Variants in ASB3 observed in about 807,000 individuals in gnomAD.
The protein encoded by ASB3 is ankyrin repeat and SOCS box protein 3.
A neutral mutation model predicts 54.5 loss-of-function variants in ASB3; 41 were observed. The ratio of observed to expected loss-of-function variants is 0.75; its 90% confidence interval spans 0.59 to 0.98. The LOEUF is 0.98. ASB3 is among the 50% of genes least tolerant of loss of function. ASB3 has a pLI of 0.00. For synonymous variants in ASB3, 266 were observed against 221.2 expected (o/e 1.20, Z -1.80); for missense variants, 733 against 620.0 (o/e 1.18, Z -1.94).
At chr2:53,709,305 C>T (rs1342550116) in intron 7 of ASB3, among the ~76,000 whole-genome samples, 5 of 152,226 alleles carry the variant, frequency 3.3e-5, no homozygotes, top group Non-Finnish European at 7.3e-5. Flanking sequence ...ACAATGGTGG[C>T]TTCCACATGG....
chr2:53,759,460 G>A (rs1358192634), intron 2 of ASB3, among the ~76,000 whole-genome samples: 3 of 152,138 alleles, frequency 2.0e-5, no homozygotes, highest in African/African-American at 7.2e-5. Flanking sequence ...GCAGACATTA[G>A]AACAAAACTT....
At chr2:53,784,612 A>T (rs1674831347) in intron 1 of ASB3, among the ~76,000 whole-genome samples, 2 of 152,138 alleles carry the variant, frequency 1.3e-5, no homozygotes, top group African/African-American at 4.8e-5. Context: ...GGCAATCTTT[A>T]GCATTCCTTG....
At chr2:53,670,719 C>T in intron 9 of ASB3, 29 bp from the exon 10 acceptor site, 1 of 1,584,846 alleles carries the variant, frequency 6.3e-7, no homozygotes, top group Non-Finnish European at 8.6e-7. Context: ...CAAGGTGAAA[C>T]TTTTTTAAAC....
At chr2:53,730,855 G>A (rs1671268162) in intron 3 of ASB3, among the ~76,000 whole-genome samples, 1 of 152,024 alleles carries the variant, frequency 6.6e-6, no homozygotes, top group South Asian at 2.1e-4. Flanking sequence ...CACTATAGTA[G>A]GAGGCAGGAA....
intron 1 of ASB3, among the ~76,000 whole-genome samples, chr2:53,780,094 T>C (rs888763216): frequency 6.6e-6 from 1 of 152,202 alleles, no homozygotes; most frequent in African/African-American, 2.4e-5. Flanking sequence ...CTCTTTCCAA[T>C]ACACGCTCTA....
chr2:53,742,277 T>C (rs920163087), intron 3 of ASB3, among the ~76,000 whole-genome samples: 1 of 152,224 alleles, frequency 6.6e-6, no homozygotes, highest in South Asian at 2.1e-4. Context: ...TAATATGGAA[T>C]GTGCCTCTAC....
intron 9 of ASB3, among the ~76,000 whole-genome samples, chr2:53,690,248 A>T (rs1668838140): frequency 6.6e-6 from 1 of 151,862 alleles, no homozygotes; most frequent in African/African-American, 2.4e-5. Context: ...CAAATAAATA[A>T]ATAAATTAAT....
At chr2:53,714,688 A>C in intron 6 of ASB3, 107 bp from the exon 7 acceptor site, 1 of 1,149,416 alleles carries the variant, frequency 8.7e-7, no homozygotes, top group Non-Finnish European at 1.2e-6. Context: ...GATTCATTTA[A>C]AGAAATATTT....
intron 9 of ASB3, among the ~76,000 whole-genome samples, chr2:53,687,761 T>C (rs983498375): frequency 2.0e-5 from 3 of 152,238 alleles, no homozygotes; most frequent in South Asian, 2.1e-4. Context: ...TATTGCACCA[T>C]AGATCACTCA....
At chr2:53,698,883 T>C (rs759595570) in intron 8 of ASB3, among the ~76,000 whole-genome samples, 1 of 152,198 alleles carries the variant, frequency 6.6e-6, no homozygotes, top group Non-Finnish European at 1.5e-5. Flanking sequence ...TCTTCCAAAC[T>C]TTACCAGCCT....
At chr2:53,677,733 T>A (rs950598028) in intron 9 of ASB3, among the ~76,000 whole-genome samples, 1 of 152,152 alleles carries the variant, frequency 6.6e-6, no homozygotes, top group Non-Finnish European at 1.5e-5. Flanking sequence ...TAAAAAATAA[T>A]GCACTGGGCA....
At chr2:53,710,063 A>C (rs1327046555) in intron 7 of ASB3, among the ~76,000 whole-genome samples, 1 of 152,196 alleles carries the variant, frequency 6.6e-6, no homozygotes, top group Non-Finnish European at 1.5e-5. Flanking sequence ...AAGCTTGCTA[A>C]TGACTGTAGC....
At chr2:53,747,436 C>T (rs1672286781) in intron 3 of ASB3, among the ~76,000 whole-genome samples, 3 of 152,098 alleles carry the variant, frequency 2.0e-5, no homozygotes, top group Admixed American at 1.3e-4. Flanking sequence ...ATCCCAGCTA[C>T]TCGGGAGGCT....
At chr2:53,780,221 T>C (rs1330650953) in intron 1 of ASB3, among the ~76,000 whole-genome samples, 1 of 152,166 alleles carries the variant, frequency 6.6e-6, no homozygotes, top group Non-Finnish European at 1.5e-5. Flanking sequence ...CTACTTACCA[T>C]CTGGTCAATC....
intron 8 of ASB3, among the ~76,000 whole-genome samples, chr2:53,696,985 T>C (rs1029395966): frequency 6.6e-6 from 1 of 152,032 alleles, no homozygotes; most frequent in African/African-American, 2.4e-5. Flanking sequence ...CCCCAGGAAA[T>C]TAAGGCATTC....
intron 9 of ASB3, among the ~76,000 whole-genome samples, chr2:53,670,895 T>G (rs2287512): frequency 6.6e-6 from 1 of 152,144 alleles, no homozygotes; most frequent in Non-Finnish European, 1.5e-5. Context: ...TTCAGTTTGT[T>G]GGCCACACAT....
At position 53,716,613 on chromosome 2, in the gene ASB3, G is replaced by A. The variant is rs2103845736; in HGVS notation, c.735C>T (p.Asp245=). 6.2e-7 allele frequency: 1 copy of A among 1,614,066 alleles called. No homozygotes were observed. Among genetic ancestry groups the A allele is most frequent in the East Asian group, 2.2e-5 (1 of 44,884 alleles). The part of the protein sequence containing the change: ...GADPDLYCNE[D]SWQLPIHAAA... ...CTGCATGAATAGGTAACTGCCAACT[G>A]TCCTCATTACAGTAAAGATCAGGAT... Residue 245 remains aspartate, a synonymous_variant, in exon 6 of 10, where the codon GAC becomes GAT. Transcript: ENST00000263634.
chr2:53,710,970 CAAA>C (rs36014909), intron 7 of ASB3, among the ~76,000 whole-genome samples: 1 of 147,208 alleles, frequency 6.8e-6, no homozygotes, highest in Non-Finnish European at 1.5e-5. Context: ...ACAAAAAATA[CAAA>C]AAAAAAAAAT....
intron 7 of ASB3, among the ~76,000 whole-genome samples, chr2:53,702,396 G>C (rs1319326412): frequency 6.6e-6 from 1 of 152,150 alleles, no homozygotes. Context: ...ATATGACCTT[G>C]ATTATTACAT....
Sources: gnomAD v4.1 joint callset for allele counts (sites outside exome capture counted in the v4.1 genomes callset) on GRCh38, gnomAD v4.1.1 for gene constraint, MANE v1.5 for transcripts, NCBI Gene and HGNC (gene_info 2026-07-23, HGNC 2026-07-21) for gene names.